The following STK39 variants were observed in gnomAD, a reference collection of about 807,000 sequenced individuals.
The protein encoded by STK39 is serine/threonine kinase 39.
A neutral mutation model predicts 77.8 loss-of-function variants in STK39; 20 were observed. That is an observed-to-expected ratio of 0.26 (90% CI 0.18 to 0.37). STK39 has a LOEUF of 0.37. Ranked by LOEUF, STK39 falls within the 10% of genes least tolerant of loss-of-function variation. The probability of loss-of-function intolerance (pLI) is 1.00; values close to 1 mark genes in which losing one functional copy is unlikely to be tolerated. For missense variants in STK39, 479 were observed against 656.5 expected (o/e 0.73, Z 2.95); for synonymous variants, 246 against 234.1 (o/e 1.05, Z -0.47).
intron 1 of STK39, among the ~76,000 whole-genome samples, chr2:168,194,618 G>A (rs2105659079): frequency 6.6e-6 from 1 of 152,186 alleles, no homozygotes; most frequent in African/African-American, 2.4e-5. Context: ...ATTATTTCCA[G>A]CACCTAGGAT....
At chr2:168,203,075 G>A (rs1689650820) in intron 1 of STK39, among the ~76,000 whole-genome samples, 2 of 152,116 alleles carry the variant, frequency 1.3e-5, no homozygotes, top group Non-Finnish European at 2.9e-5. Flanking sequence ...ACTGTCCTGT[G>A]TCCTGAAGAT....
intron 15 of STK39, among the ~76,000 whole-genome samples, chr2:168,015,963 T>A (rs892303268): frequency 3.9e-5 from 6 of 152,234 alleles, no homozygotes; most frequent in African/African-American, 1.4e-4. Flanking sequence ...AGTCTCGCTC[T>A]GTCACCCAGG....
chr2:168,014,595 C>T (rs1684360097), intron 15 of STK39, among the ~76,000 whole-genome samples: 2 of 151,456 alleles, frequency 1.3e-5, no homozygotes, highest in Admixed American at 6.6e-5. Flanking sequence ...ATTTAGCTTT[C>T]TGAAGCTGCT....
At chr2:168,223,393 T>A (rs1384723579) in intron 1 of STK39, among the ~76,000 whole-genome samples, 1 of 150,348 alleles carries the variant, frequency 6.7e-6, no homozygotes, top group African/African-American at 2.5e-5. Flanking sequence ...GTGACTGTAA[T>A]CCCAGCTAAT....
At chr2:168,094,520 C>T (rs1018199073) in intron 10 of STK39, among the ~76,000 whole-genome samples, 4 of 152,162 alleles carry the variant, frequency 2.6e-5, no homozygotes, top group East Asian at 1.9e-4. Flanking sequence ...TCTGACTGTC[C>T]AACTTTTTCT....
chr2:168,195,143 G>A (rs967888919), intron 1 of STK39, among the ~76,000 whole-genome samples: 1 of 151,932 alleles, frequency 6.6e-6, no homozygotes. Flanking sequence ...TTACATCCTC[G>A]TTGTCAAGTT....
intron 1 of STK39, among the ~76,000 whole-genome samples, chr2:168,185,149 C>T (rs921157159): frequency 6.6e-6 from 1 of 152,184 alleles, no homozygotes; most frequent in African/African-American, 2.4e-5. Flanking sequence ...ACACATGACT[C>T]ATTAACATTA....
chr2:167,998,729 C>A (rs1683915996), intron 16 of STK39, among the ~76,000 whole-genome samples: 1 of 152,128 alleles, frequency 6.6e-6, no homozygotes, highest in East Asian at 1.9e-4. Context: ...GTCCTCCTGG[C>A]CCCCAAACAT....
chr2:168,039,565 GTCCGA>G (rs1270928468), intron 14 of STK39, among the ~76,000 whole-genome samples: 1 of 17,740 alleles, frequency 5.6e-5, no homozygotes, highest in African/African-American at 1.3e-4. Flanking sequence ...GCAGTCCGCA[GTCCGA>G]CCTGGGCGAC....
At chr2:168,241,904 G>A (rs1042246857) in intron 1 of STK39, among the ~76,000 whole-genome samples, 8 of 152,176 alleles carry the variant, frequency 5.3e-5, no homozygotes, top group African/African-American at 1.9e-4. Context: ...TAAGTCATTT[G>A]CTCAAGGTCG....
At chr2:168,087,058 G>C (rs1686386545) in intron 10 of STK39, among the ~76,000 whole-genome samples, 1 of 152,214 alleles carries the variant, frequency 6.6e-6, no homozygotes, top group African/African-American at 2.4e-5. Context: ...CTAATAAAGA[G>C]AACGATAGGA....
intron 17 of STK39, among the ~76,000 whole-genome samples, chr2:167,956,728 TCCCC>T (rs1235889078): frequency 3.7e-5 from 2 of 53,588 alleles, no homozygotes; most frequent in Non-Finnish European, 6.8e-5. Context: ...TCTCTCTCTC[TCCCC>T]CCCCGCCCCC....
chr2:167,979,191 C>T (rs1444894610), intron 16 of STK39, among the ~76,000 whole-genome samples: 1 of 152,118 alleles, frequency 6.6e-6, no homozygotes, highest in East Asian at 1.9e-4. Context: ...GGGTAGATAC[C>T]TAGCAGTGGA....
In STK39 at chr2:168,163,816, T is replaced by C. The variant is rs371184769; in HGVS notation, c.495A>G (p.Glu165=). 1.2e-6 allele frequency: 2 copies of C among 1,613,890 alleles called. No homozygotes were observed. The highest frequency in any genetic ancestry group is 1.7e-6 in the Non-Finnish European group (2 of 1,179,956). The change falls in exon 4 of 18, where the codon GAA becomes GAG. Residue 165 remains glutamate, a synonymous_variant. Coordinates refer to ENST00000355999, the MANE Select transcript of STK39 (RefSeq NM_013233.3). ...NRGEHKNGVL[E]EAIIATILKE... ...TAAGAATTGTTGCTATTATTGCCTC[T>C]TCCAGAACTCCATTCTTGTGTTCTC...
chr2:168,162,324 C>A, intron 4 of STK39, among the ~76,000 whole-genome samples: 1 of 149,712 alleles, frequency 6.7e-6, no homozygotes, highest in Non-Finnish European at 1.5e-5. Flanking sequence ...GTATAAGGAT[C>A]CACCTGTCAC....
At chr2:168,128,456 C>G (rs1285381635) in intron 10 of STK39, among the ~76,000 whole-genome samples, 1 of 152,138 alleles carries the variant, frequency 6.6e-6, no homozygotes, top group African/African-American at 2.4e-5. Flanking sequence ...CGCTCCCTGT[C>G]CCCTCAGAGA....
At chr2:168,112,353 C>T (rs542599976) in intron 10 of STK39, among the ~76,000 whole-genome samples, 7 of 152,102 alleles carry the variant, frequency 4.6e-5, no homozygotes, top group East Asian at 3.9e-4. Context: ...GTAATCTCCA[C>T]GGGTCAGCGG....
chr2:168,064,118 G>A (rs1685734785), intron 13 of STK39, among the ~76,000 whole-genome samples: 1 of 152,108 alleles, frequency 6.6e-6, no homozygotes, highest in Non-Finnish European at 1.5e-5. Context: ...GAAAAAATAA[G>A]GCATTTCAGG....
At chr2:168,044,695 A>C (rs1685193664) in intron 14 of STK39, among the ~76,000 whole-genome samples, 1 of 152,212 alleles carries the variant, frequency 6.6e-6, no homozygotes, top group Admixed American at 6.5e-5. Context: ...GGTGAGGCAA[A>C]CCCAAGGGAA....
Sources: gnomAD v4.1 joint callset for allele counts (sites outside exome capture counted in the v4.1 genomes callset) on GRCh38, gnomAD v4.1.1 for gene constraint, MANE v1.5 for transcripts, NCBI Gene and HGNC (gene_info 2026-07-23, HGNC 2026-07-21) for gene names.